Variants in LINGO2 observed in about 807,000 individuals in gnomAD.
LINGO2 encodes the protein leucine-rich repeat and immunoglobulin-like domain-containing nogo receptor-interacting protein 2.
In LINGO2, 14 loss-of-function variants were observed where a neutral mutation model predicts 30.6. The observed-to-expected ratio is 0.46, with a 90% CI of 0.30 to 0.72. LINGO2 has a LOEUF of 0.72. LINGO2 is among the 30% of genes least tolerant of loss of function. LINGO2 has a pLI of 0.07. For missense variants in LINGO2, 729 were observed against 751.7 expected, an observed-to-expected ratio of 0.97 and a Z score of 0.35; for synonymous variants, 317 against 288.5, an observed-to-expected ratio of 1.10 and a Z score of -1.00.
the LINGO2 span, among the ~76,000 whole-genome samples, chr9:28,688,164 A>G: frequency 6.6e-6 from 1 of 152,174 alleles, no homozygotes; most frequent in Non-Finnish European, 1.5e-5. Flanking sequence ...AAACACTGTA[A>G]GGCAGAAATA....
At chr9:28,546,851 T>C (rs1261067916) in intron 1 of LINGO2, among the ~76,000 whole-genome samples, 3 of 152,046 alleles carry the variant, frequency 2.0e-5, no homozygotes, top group African/African-American at 7.2e-5. Context: ...TGAACCCCAA[T>C]AGTAGATCAG....
chr9:28,017,699 A>C (rs914242901), intron 4 of LINGO2, among the ~76,000 whole-genome samples: 1 of 152,184 alleles, frequency 6.6e-6, no homozygotes, highest in Non-Finnish European at 1.5e-5. Flanking sequence ...AACACTGCTT[A>C]AAGAAATCAG....
intron 4 of LINGO2, among the ~76,000 whole-genome samples, chr9:28,133,705 A>G (rs1002209354): frequency 2.6e-5 from 4 of 152,156 alleles, no homozygotes; most frequent in East Asian, 3.9e-4. Flanking sequence ...GGCATTCTGT[A>G]TACCTCAATG....
At chr9:27,969,667 G>A (rs1239024424) in intron 5 of LINGO2, among the ~76,000 whole-genome samples, 3 of 152,018 alleles carry the variant, frequency 2.0e-5, no homozygotes, top group South Asian at 2.1e-4. Flanking sequence ...TCAAACTCAC[G>A]TCTTTCTGGC....
chr9:28,169,131 G>C (rs1027443757), intron 4 of LINGO2, among the ~76,000 whole-genome samples: 1 of 152,146 alleles, frequency 6.6e-6, no homozygotes, highest in Non-Finnish European at 1.5e-5. Context: ...TGTAGAAAAT[G>C]TTAAAAGGTG....
the LINGO2 span, among the ~76,000 whole-genome samples, chr9:29,008,868 G>T: frequency 3.6e-4 from 55 of 152,086 alleles, no homozygotes; most frequent in African/African-American, 1.3e-3. Flanking sequence ...GGATTGCAAG[G>T]CTGGTTCAAC....
At chr9:27,967,809 C>G (rs2118700512) in intron 5 of LINGO2, among the ~76,000 whole-genome samples, 1 of 152,252 alleles carries the variant, frequency 6.6e-6, no homozygotes, top group South Asian at 2.1e-4. Flanking sequence ...ACAGCTGCAT[C>G]TAAAATTCCC....
chr9:29,062,093 G>A, the LINGO2 span, among the ~76,000 whole-genome samples: 1 of 152,042 alleles, frequency 6.6e-6, no homozygotes, highest in African/African-American at 2.4e-5. Flanking sequence ...ATCACTTAGG[G>A]AGATGCAAAT....
chr9:28,272,983 C>T (rs975425791), intron 4 of LINGO2, among the ~76,000 whole-genome samples: 2 of 152,202 alleles, frequency 1.3e-5, no homozygotes, highest in African/African-American at 4.8e-5. Context: ...AAGCTCCCAG[C>T]TCATTTTGAG....
chr9:28,405,089 AAC>A (rs1822443467), intron 2 of LINGO2, among the ~76,000 whole-genome samples: 1 of 152,196 alleles, frequency 6.6e-6, no homozygotes, highest in South Asian at 2.1e-4. Flanking sequence ...ATAGAAAGAA[AAC>A]ACTGAAAACC....
intron 4 of LINGO2, among the ~76,000 whole-genome samples, chr9:28,293,717 C>T (rs1341378921): frequency 6.6e-6 from 1 of 152,060 alleles, no homozygotes; most frequent in Non-Finnish European, 1.5e-5. Flanking sequence ...GTTTTTCCTT[C>T]TAACTCTGAG....
chr9:28,806,558 G>T, the LINGO2 span, among the ~76,000 whole-genome samples: 1 of 152,122 alleles, frequency 6.6e-6, no homozygotes, highest in Non-Finnish European at 1.5e-5. Context: ...TAGAATGAAT[G>T]CTAACCTTAT....
chr9:28,032,653 C>A (rs756167940), intron 4 of LINGO2, among the ~76,000 whole-genome samples: 14 of 152,190 alleles, frequency 9.2e-5, no homozygotes, highest in Non-Finnish European at 1.9e-4. Flanking sequence ...AAACATCCTG[C>A]CCATCGTCCC....
At chr9:28,961,856 G>C in the LINGO2 span, among the ~76,000 whole-genome samples, 1 of 152,146 alleles carries the variant, frequency 6.6e-6, no homozygotes, top group Non-Finnish European at 1.5e-5. Flanking sequence ...AACTACAGAA[G>C]TCTGTTTTGT....
chr9:29,010,049 A>G, the LINGO2 span, among the ~76,000 whole-genome samples: 2 of 152,212 alleles, frequency 1.3e-5, no homozygotes, highest in African/African-American at 4.8e-5. Flanking sequence ...TTAAATACTT[A>G]AATGTTAGAC....
At chr9:28,432,123 G>C (rs1250868069) in intron 2 of LINGO2, among the ~76,000 whole-genome samples, 1 of 152,074 alleles carries the variant, frequency 6.6e-6, no homozygotes, top group African/African-American at 2.4e-5. Flanking sequence ...AGAGTGATTA[G>C]CTCTGCCTGG....
At chr9:28,553,573 T>C (rs971593381) in intron 1 of LINGO2, among the ~76,000 whole-genome samples, 6 of 152,122 alleles carry the variant, frequency 3.9e-5, no homozygotes, top group Non-Finnish European at 8.8e-5. Flanking sequence ...GAAAACACTC[T>C]GCAGGATATT....
chr9:28,268,064 G>T (rs187149213), intron 4 of LINGO2, among the ~76,000 whole-genome samples: 5 of 152,102 alleles, frequency 3.3e-5, no homozygotes, highest in Non-Finnish European at 7.4e-5. Context: ...AGAGTTATTT[G>T]TGCATACATA....
At chr9:28,920,058 C>G in the LINGO2 span, among the ~76,000 whole-genome samples, 3 of 152,100 alleles carry the variant, frequency 2.0e-5, no homozygotes, top group Non-Finnish European at 4.4e-5. Context: ...AAATCAATTA[C>G]TGCTAATCAT....
Sources: allele counts gnomAD v4.1 joint callset (sites outside exome capture counted in the v4.1 genomes callset), GRCh38; gene constraint gnomAD v4.1.1; transcripts MANE v1.5; gene names NCBI Gene and HGNC (gene_info 2026-07-23, HGNC 2026-07-21).